Variants in PDE10A observed in about 807,000 individuals in gnomAD.
PDE10A encodes the protein cAMP and cAMP-inhibited cGMP 3',5'-cyclic phosphodiesterase 10A.
A neutral mutation model predicts 97.7 loss-of-function variants in PDE10A; 39 were observed. The ratio of observed to expected loss-of-function variants is 0.40; its 90% confidence interval spans 0.31 to 0.52. PDE10A has a LOEUF of 0.52. Ranked by LOEUF, PDE10A falls within the 20% of genes least tolerant of loss-of-function variation. PDE10A has a pLI of 0.56. For synonymous variants in PDE10A, 371 were observed against 376.8 expected, an observed-to-expected ratio of 0.98 and a Z score of 0.18; for missense variants, 731 against 1,047.8, an observed-to-expected ratio of 0.70 and a Z score of 4.17.
intron 1 of PDE10A, among the ~76,000 whole-genome samples, chr6:165,758,289 C>T (rs1187822583): frequency 2.0e-5 from 3 of 151,970 alleles, no homozygotes; most frequent in Non-Finnish European, 4.4e-5. Context: ...GGTGAAGCCC[C>T]ATCTCTATTA....
chr6:165,610,946 A>G (rs1266140855), intron 1 of PDE10A, among the ~76,000 whole-genome samples: 1 of 152,104 alleles, frequency 6.6e-6, no homozygotes, highest in African/African-American at 2.4e-5. Flanking sequence ...AATAAGGAGC[A>G]CTACTAGTCT....
chr6:165,389,747 A>G (rs1001228655), intron 16 of PDE10A, among the ~76,000 whole-genome samples: 4 of 152,214 alleles, frequency 2.6e-5, no homozygotes, highest in Admixed American at 1.3e-4. Context: ...GTGGCGTTTA[A>G]GGCCACATGA....
intron 2 of PDE10A, among the ~76,000 whole-genome samples, chr6:165,511,897 T>C (rs988277171): frequency 1.3e-5 from 2 of 152,112 alleles, no homozygotes; most frequent in African/African-American, 2.4e-5. Context: ...AGTTTCACTC[T>C]ATGTGTGTCT....
chr6:165,700,978 G>A (rs9365911), intron 1 of PDE10A, among the ~76,000 whole-genome samples: 72,983 of 152,020 alleles, frequency 0.48, 18,195 homozygotes, highest in Non-Finnish European at 0.56. Context: ...GTGCATACCT[G>A]TGATACCTGG....
At chr6:165,715,683 T>A (rs1401973728) in intron 1 of PDE10A, among the ~76,000 whole-genome samples, 1 of 152,124 alleles carries the variant, frequency 6.6e-6, no homozygotes, top group South Asian at 2.1e-4. Context: ...AGTGCATGGA[T>A]AATGGATCAG....
intron 1 of PDE10A, among the ~76,000 whole-genome samples, chr6:165,568,261 A>C (rs1337449989): frequency 6.6e-6 from 1 of 152,088 alleles, no homozygotes; most frequent in Non-Finnish European, 1.5e-5. Context: ...GGCCTCCCAA[A>C]GTGCTGGGAT....
intron 2 of PDE10A, among the ~76,000 whole-genome samples, chr6:165,523,764 CAAAA>C (rs536519562): frequency 0.013 from 2,032 of 152,118 alleles, 34 homozygotes; most frequent in Non-Finnish European, 0.018. Context: ...CAAAAATTGA[CAAAA>C]AACCTAACTA....
chr6:165,602,153 G>A lies in PDE10A; in HGVS notation c.866-58585C>T, dbSNP rs571408271. ...TTGGACAGTGGCAGCAGAAAGTGAG[G>A]CCACAAATCAATCAAGTAAGGCACG... is the stretch of plus-strand genomic sequence containing the variant. On this transcript the variant is annotated intron_variant, in intron 1 of 21. Coordinates refer to ENST00000539869, the MANE Select transcript of PDE10A (RefSeq NM_001385079.1). Among the ~76,000 whole-genome samples, 9 of 152,242 alleles carry A rather than the reference G, an allele frequency of 5.9e-5. No individual in the cohort carries two copies. In the South Asian group the frequency reaches 1.7e-3, roughly 28 times the overall value.
rs1302406141 is a variant in PDE10A, at chr6:165,662,100, G to A, written c.712C>T (p.Pro238Ser). The A allele has an allele frequency of 1.8e-6, 2 of 1,111,570 alleles. No individual in the cohort carries two copies. Among genetic ancestry groups the A allele is most frequent in the African/African-American group, 1.7e-5 (1 of 59,144 alleles). The allele number at this position is 1,111,570 out of a possible 1,614,324, so 68.9% of individuals were successfully genotyped here. ...AGSPGFPGAG[P>S]GGGGQTPRRP... ...CGCGGAGTTTGGCCGCCGCCGCCTG[G>A]GCCGGCGCCGGGGAAGCCGGGGGAG... Residue 238 changes from proline to serine, a missense_variant, in exon 1 of 22, where the codon CCA becomes TCA. This residue lies in a region of PDE10A where 181 missense variants were observed against 159.1 expected (regional missense o/e 1.14). Coordinates refer to ENST00000539869, the MANE Select transcript of PDE10A (RefSeq NM_001385079.1).
intron 1 of PDE10A, among the ~76,000 whole-genome samples, chr6:165,619,415 T>C (rs1237218945): frequency 1.2e-5 from 1 of 82,060 alleles, no homozygotes; most frequent in Admixed American, 1.2e-4. Context: ...TAGTCTAGTG[T>C]AGTGTAGTGT....
chr6:165,734,646 TG>T (rs1377576003), intron 1 of PDE10A, among the ~76,000 whole-genome samples: 1 of 152,010 alleles, frequency 6.6e-6, no homozygotes, highest in Non-Finnish European at 1.5e-5. Context: ...AGTTAGTGAA[TG>T]GGAAGGTGGG....
At chr6:165,377,617 A>T (rs1784687326) in intron 18 of PDE10A, among the ~76,000 whole-genome samples, 1 of 152,142 alleles carries the variant, frequency 6.6e-6, no homozygotes. Flanking sequence ...AAGAGGCTGG[A>T]TACTAGTTAC....
At chr6:165,897,703 C>T (rs1393256522) in intron 1 of PDE10A, among the ~76,000 whole-genome samples, 2 of 150,666 alleles carry the variant, frequency 1.3e-5, no homozygotes, top group African/African-American at 2.4e-5. Flanking sequence ...GGAGTTCCGA[C>T]GTGTCCTCTG....
chr6:165,404,976 C>T (rs1432764645), intron 13 of PDE10A, among the ~76,000 whole-genome samples: 1 of 152,098 alleles, frequency 6.6e-6, no homozygotes, highest in African/African-American at 2.4e-5. Context: ...CAGGCCCAAG[C>T]ACCTACTGTC....
At chr6:165,610,507 G>A (rs1787440031) in intron 1 of PDE10A, among the ~76,000 whole-genome samples, 2 of 150,578 alleles carry the variant, frequency 1.3e-5, no homozygotes, top group African/African-American at 4.9e-5. Flanking sequence ...CTCCAGCCTG[G>A]GTGACAGAGC....
intron 1 of PDE10A, among the ~76,000 whole-genome samples, chr6:165,921,307 C>A (rs140950883): frequency 6.6e-6 from 1 of 152,190 alleles, no homozygotes; most frequent in African/African-American, 2.4e-5. Flanking sequence ...GAGAAAACAA[C>A]CTGCTCTTGT....
rs958978024 is a variant in PDE10A at position 165,523,567 on chromosome 6, T to A, written c.994+19873A>T. ...AGGCTGTATTAACTGGCTAGCTATA[T>A]GCAGAAGAAAGAACCTAGACCCCAA... On this transcript the variant is annotated intron_variant, in intron 2 of 21. Coordinates refer to ENST00000539869, the MANE Select transcript of PDE10A (RefSeq NM_001385079.1). 2.0e-5 allele frequency among the ~76,000 whole-genome samples: 3 copies of A among 152,178 alleles called. No individual in the cohort carries two copies. In the East Asian group the frequency reaches 5.8e-4, roughly 29 times the overall value.
At chr6:165,803,149 T>C (rs751355519) in intron 1 of PDE10A, among the ~76,000 whole-genome samples, 75 of 152,244 alleles carry the variant, frequency 4.9e-4, no homozygotes, top group Non-Finnish European at 9.6e-4. Context: ...AGGGGCATAA[T>C]TTTTATTGTG....
chr6:165,626,766 G>A (rs1444035034), intron 1 of PDE10A, among the ~76,000 whole-genome samples: 3 of 152,090 alleles, frequency 2.0e-5, no homozygotes, highest in African/African-American at 7.2e-5. Context: ...GGGCGGCGGG[G>A]GGAAGTTGAA....
Sources: allele counts gnomAD v4.1 joint callset (sites outside exome capture counted in the v4.1 genomes callset), GRCh38; gene constraint gnomAD v4.1.1; regional missense constraint gnomAD v4.1.1; transcripts MANE v1.5; gene names NCBI Gene and HGNC (gene_info 2026-07-23, HGNC 2026-07-21).